CLYBL: variants seen among roughly 807,000 people sequenced by gnomAD.
CLYBL encodes citramalyl-CoA lyase, mitochondrial.
CLYBL carries 31 observed loss-of-function variants against 38.9 expected under a neutral mutation model. The observed-to-expected ratio is 0.80, with a 90% CI of 0.60 to 1.08. CLYBL has a LOEUF of 1.08. CLYBL is among the 50% of genes least tolerant of loss of function. CLYBL has a pLI of 0.00. For missense variants in CLYBL, 434 were observed against 411.6 expected, an observed-to-expected ratio of 1.05 and a Z score of -0.47; for synonymous variants, 171 against 158.6, an observed-to-expected ratio of 1.08 and a Z score of -0.59.
At chr13:99,736,599 A>T (rs1196738776) in intron 1 of CLYBL, among the ~76,000 whole-genome samples, 27 of 152,166 alleles carry the variant, frequency 1.8e-4, no homozygotes, top group Non-Finnish European at 5.9e-5. Flanking sequence ...AAGGAAAAAA[A>T]AAATCTGTGG....
intron 2 of CLYBL, among the ~76,000 whole-genome samples, chr13:99,814,500 A>T (rs530642077): frequency 1.3e-5 from 2 of 152,250 alleles, no homozygotes; most frequent in Non-Finnish European, 2.9e-5. Context: ...AGGCAAGAGG[A>T]TCGCTTGAGC....
chr13:99,873,000 G>C (rs1029095469), intron 7 of CLYBL, among the ~76,000 whole-genome samples: 16 of 151,902 alleles, frequency 1.1e-4, no homozygotes, highest in African/African-American at 3.4e-4. Context: ...TCTCACAACA[G>C]TGTGGCAGGA....
intron 1 of CLYBL, among the ~76,000 whole-genome samples, chr13:99,652,460 C>T (rs764276143): frequency 4.6e-5 from 7 of 152,126 alleles, no homozygotes; most frequent in Non-Finnish European, 7.4e-5. Context: ...GTAATCCCAG[C>T]ACTTTGGGAG....
intron 2 of CLYBL, among the ~76,000 whole-genome samples, chr13:99,826,128 A>G (rs770651290): frequency 1.3e-5 from 2 of 152,240 alleles, no homozygotes; most frequent in Non-Finnish European, 2.9e-5. Context: ...TAGATAGGCT[A>G]TAGTACCCGG....
At chr13:99,766,850 G>T (rs1015906018) in intron 1 of CLYBL, among the ~76,000 whole-genome samples, 1 of 152,050 alleles carries the variant, frequency 6.6e-6, no homozygotes, top group Non-Finnish European at 1.5e-5. Flanking sequence ...CATGCCCAGG[G>T]GATCTGTGGG....
At chr13:99,877,571 C>CTTTTTTTT (rs561372911) in intron 7 of CLYBL, 19 of 214,926 alleles carry the variant, frequency 8.8e-5, no homozygotes, top group Non-Finnish European at 1.3e-4. Context: ...TTTTGTAATT[C>CTTTTTTTT]TTTTTTTTTT....
At chr13:99,782,286 C>T (rs560713270) in intron 2 of CLYBL, among the ~76,000 whole-genome samples, 1 of 152,278 alleles carries the variant, frequency 6.6e-6, no homozygotes, top group East Asian at 1.9e-4. Flanking sequence ...GCAGGCAGAT[C>T]ACCTGAGGTC....
At chr13:99,827,833 T>TA (rs1319976715) in intron 2 of CLYBL, among the ~76,000 whole-genome samples, 5 of 152,258 alleles carry the variant, frequency 3.3e-5, no homozygotes, top group African/African-American at 1.2e-4. Flanking sequence ...CATCCCATGC[T>TA]AGCGTGCCTA....
intron 1 of CLYBL, among the ~76,000 whole-genome samples, chr13:99,608,847 C>CTTTTTTTTTTTTTTTT (rs57961216): frequency 1.1e-4 from 10 of 87,874 alleles, no homozygotes; most frequent in Admixed American, 2.5e-4. Context: ...AGTGATGAGT[C>CTTTTTTTTTTTTTTTT]TTTTTTTTTT....
chr13:99,649,248 C>T (rs886722598), intron 1 of CLYBL, among the ~76,000 whole-genome samples: 1 of 152,182 alleles, frequency 6.6e-6, no homozygotes, highest in Non-Finnish European at 1.5e-5. Context: ...TTTCCGCTTG[C>T]ATTCTGTGTT....
chr13:99,707,534 A>C (rs1169566344), intron 1 of CLYBL, among the ~76,000 whole-genome samples: 2 of 152,250 alleles, frequency 1.3e-5, no homozygotes, highest in African/African-American at 4.8e-5. Context: ...GGCCTCCCAA[A>C]GTGCTGGGAT....
intron 1 of CLYBL, among the ~76,000 whole-genome samples, chr13:99,641,427 T>G (rs2047091817): frequency 6.6e-6 from 1 of 152,134 alleles, no homozygotes; most frequent in Non-Finnish European, 1.5e-5. Context: ...CCCAGCACTT[T>G]GGGAGGCCGA....
intron 1 of CLYBL, among the ~76,000 whole-genome samples, chr13:99,767,609 C>T (rs2049294010): frequency 6.6e-6 from 1 of 152,062 alleles, no homozygotes; most frequent in African/African-American, 2.4e-5. Flanking sequence ...TGATGGTGTC[C>T]CACAGGTCCT....
At chr13:99,881,589 A>ATT (rs1017589977) in intron 7 of CLYBL, among the ~76,000 whole-genome samples, 144 of 136,250 alleles carry the variant, frequency 1.1e-3, no homozygotes, top group African/African-American at 3.5e-3. Flanking sequence ...CATCCAGTTA[A>ATT]TTTTTTTTTT....
At chr13:99,674,253 G>A (rs530351729) in intron 1 of CLYBL, among the ~76,000 whole-genome samples, 4 of 144,120 alleles carry the variant, frequency 2.8e-5, no homozygotes, top group African/African-American at 1.0e-4. Context: ...GCAGGTTCAA[G>A]CGATTCTCCT....
At chr13:99,680,788 G>GCCCA (rs1035273947) in intron 1 of CLYBL, among the ~76,000 whole-genome samples, 57 of 152,240 alleles carry the variant, frequency 3.7e-4, no homozygotes, top group African/African-American at 1.3e-3. Context: ...GAAACTAAGG[G>GCCCA]CCCAGTCTTT....
chr13:99,692,494 A>G (rs1016488029), intron 1 of CLYBL, among the ~76,000 whole-genome samples: 1 of 151,810 alleles, frequency 6.6e-6, no homozygotes, highest in African/African-American at 2.4e-5. Flanking sequence ...GGGTTTCACC[A>G]TGTTAGCCAG....
intron 2 of CLYBL, among the ~76,000 whole-genome samples, chr13:99,852,242 CT>C (rs994365625): frequency 1.3e-5 from 2 of 152,138 alleles, no homozygotes; most frequent in Non-Finnish European, 2.9e-5. Context: ...TACATACCTT[CT>C]TTTTTTGTTG....
intron 6 of CLYBL, among the ~76,000 whole-genome samples, chr13:99,867,502 C>A (rs2051777666): frequency 6.6e-6 from 1 of 151,756 alleles, no homozygotes; most frequent in Non-Finnish European, 1.5e-5. Context: ...AAATATGACC[C>A]CCCCCAATTT....
Sources: allele counts gnomAD v4.1 joint callset (sites outside exome capture counted in the v4.1 genomes callset), GRCh38; gene constraint gnomAD v4.1.1; transcripts MANE v1.5; gene names NCBI Gene and HGNC (gene_info 2026-07-23, HGNC 2026-07-21).